Variants in OLFM3 observed in about 807,000 individuals in gnomAD.
The protein encoded by OLFM3 is olfactomedin 3.
OLFM3 carries 20 observed loss-of-function variants against 48.6 expected under a neutral mutation model. The observed-to-expected ratio is 0.41, with a 90% CI of 0.29 to 0.60. The LOEUF is 0.60. Among genes scored for constraint, OLFM3 ranks in the 20% least tolerant of loss-of-function variants. The pLI is 0.28. For missense variants in OLFM3, 437 were observed against 544.3 expected (o/e 0.80, Z 1.96); for synonymous variants, 222 against 198.1 (o/e 1.12, Z -1.01).
intron 1 of OLFM3, among the ~76,000 whole-genome samples, chr1:101,884,838 G>A (rs1168893635): frequency 6.6e-6 from 1 of 151,850 alleles, no homozygotes; most frequent in Non-Finnish European, 1.5e-5. Flanking sequence ...CTGGCCACCC[G>A]CAACCCCATG....
intron 1 of OLFM3, among the ~76,000 whole-genome samples, chr1:101,918,921 T>C (rs1659008684): frequency 6.6e-6 from 1 of 152,224 alleles, no homozygotes; most frequent in Non-Finnish European, 1.5e-5. Flanking sequence ...GTTTATCATA[T>C]GCAATTAAGT....
At chr1:101,818,768 C>G (rs550834812) in intron 4 of OLFM3, among the ~76,000 whole-genome samples, 2 of 152,100 alleles carry the variant, frequency 1.3e-5, no homozygotes, top group African/African-American at 4.8e-5. Context: ...TCCTTCCCCC[C>G]AAAAGCTTTT....
At chr1:101,860,885 A>T (rs1049270225) in intron 1 of OLFM3, among the ~76,000 whole-genome samples, 6 of 152,014 alleles carry the variant, frequency 3.9e-5, no homozygotes, top group Non-Finnish European at 8.8e-5. Flanking sequence ...AGAGGCTTAA[A>T]CATAATAGCC....
chr1:101,959,871 G>T (rs542993090), intron 1 of OLFM3, among the ~76,000 whole-genome samples: 1 of 152,030 alleles, frequency 6.6e-6, no homozygotes, highest in East Asian at 1.9e-4. Flanking sequence ...AATTTCCCAC[G>T]AGAAATATGG....
intron 1 of OLFM3, among the ~76,000 whole-genome samples, chr1:101,902,986 G>A (rs1319886745): frequency 1.3e-5 from 2 of 152,008 alleles, no homozygotes; most frequent in African/African-American, 4.8e-5. Flanking sequence ...AGGATAAAAG[G>A]GATTTTTCCA....
chr1:101,863,197 G>T (rs1308208472), intron 1 of OLFM3, among the ~76,000 whole-genome samples: 1 of 152,096 alleles, frequency 6.6e-6, no homozygotes, highest in African/African-American at 2.4e-5. Context: ...GGACTCAAGC[G>T]ATCCACCTGC....
At chr1:101,910,884 G>C (rs1047880778) in intron 1 of OLFM3, among the ~76,000 whole-genome samples, 4 of 152,152 alleles carry the variant, frequency 2.6e-5, no homozygotes, top group African/African-American at 9.7e-5. Flanking sequence ...TTCTGAAATA[G>C]AGCCATTGGT....
At position 101,826,747 on chromosome 1, in the gene OLFM3, T is replaced by C. The variant is rs192895294; in HGVS notation, c.373-1502A>G. Among the ~76,000 whole-genome samples, 800 of 152,332 alleles carry C rather than the reference T, an allele frequency of 5.3e-3. 5 individuals carry two copies. The highest frequency in any genetic ancestry group is 6.0e-3 in the Non-Finnish European group (411 of 68,030). The stretch of plus-strand genomic sequence containing the variant: ...CTCATTTTGTCAGCTCATTTGGAAA[T>C]AGACTTATTAAAGTATCTTGTGGTA... On this transcript the variant is annotated intron_variant, in intron 3 of 5. Transcript: ENST00000370103.
At chr1:101,966,164 A>C (rs911454998) in intron 1 of OLFM3, among the ~76,000 whole-genome samples, 9 of 151,336 alleles carry the variant, frequency 5.9e-5, no homozygotes, top group East Asian at 1.9e-4. Context: ...TTTCTTTTTT[A>C]TTTTTATTTA....
chr1:101,911,321 T>G (rs368776121), intron 1 of OLFM3, among the ~76,000 whole-genome samples: 4 of 152,152 alleles, frequency 2.6e-5, no homozygotes, highest in Non-Finnish European at 5.9e-5. Flanking sequence ...GAATTTAAAA[T>G]GGAGAGTCAA....
At chr1:101,870,725 A>G (rs182486596) in intron 1 of OLFM3, among the ~76,000 whole-genome samples, 26 of 152,006 alleles carry the variant, frequency 1.7e-4, no homozygotes, top group African/African-American at 6.3e-4. Flanking sequence ...TTTTTTTCAC[A>G]GTGGCTTCCT....
chr1:101,987,512 C>G (rs967291856), intron 1 of OLFM3, among the ~76,000 whole-genome samples: 1 of 152,076 alleles, frequency 6.6e-6, no homozygotes, highest in Admixed American at 6.5e-5. Context: ...ACAAAACTTA[C>G]GTACATGTAA....
chr1:101,874,859 GT>G (rs985505768), intron 1 of OLFM3, among the ~76,000 whole-genome samples: 1 of 151,990 alleles, frequency 6.6e-6, no homozygotes, highest in African/African-American at 2.4e-5. Flanking sequence ...TGGCTAGGTA[GT>G]TTCCAACTGG....
At chr1:101,955,964 A>T (rs1660275963) in intron 1 of OLFM3, among the ~76,000 whole-genome samples, 1 of 151,894 alleles carries the variant, frequency 6.6e-6, no homozygotes, top group South Asian at 2.1e-4. Context: ...TCAAGCTACA[A>T]GTCACAGAGT....
At chr1:101,855,762 G>A (rs925423279) in intron 1 of OLFM3, among the ~76,000 whole-genome samples, 2 of 152,060 alleles carry the variant, frequency 1.3e-5, no homozygotes, top group Non-Finnish European at 2.9e-5. Context: ...AGGGCAGACT[G>A]AAGTGTTAAA....
At chr1:101,832,164 C>T (rs1655188173) in intron 2 of OLFM3, among the ~76,000 whole-genome samples, 1 of 152,316 alleles carries the variant, frequency 6.6e-6, no homozygotes, top group South Asian at 2.1e-4. Flanking sequence ...GCTGGGATTA[C>T]AGGTGTGAGC....
chr1:101,902,093 A>G (rs1250590420), intron 1 of OLFM3, among the ~76,000 whole-genome samples: 1 of 152,044 alleles, frequency 6.6e-6, no homozygotes, highest in Non-Finnish European at 1.5e-5. Flanking sequence ...GGGAAATAGA[A>G]CTAGATATAG....
At chr1:101,994,272 G>C (rs1214121232) in intron 1 of OLFM3, among the ~76,000 whole-genome samples, 2 of 150,780 alleles carry the variant, frequency 1.3e-5, no homozygotes, top group African/African-American at 4.8e-5. Flanking sequence ...AAAATTTGAT[G>C]ATGACCCATA....
intron 1 of OLFM3, among the ~76,000 whole-genome samples, chr1:101,849,558 C>A (rs1473732974): frequency 6.6e-6 from 1 of 152,188 alleles, no homozygotes; most frequent in Non-Finnish European, 1.5e-5. Context: ...TGTTGTGAAT[C>A]ATTGCTTAGT....
Sources: allele counts gnomAD v4.1 joint callset (sites outside exome capture counted in the v4.1 genomes callset), GRCh38; gene constraint gnomAD v4.1.1; transcripts MANE v1.5; gene names NCBI Gene and HGNC (gene_info 2026-07-23, HGNC 2026-07-21).